FARP1: variants seen among roughly 807,000 people sequenced by gnomAD.
The protein encoded by FARP1 is FERM, ARH/RhoGEF and pleckstrin domain protein 1.
A neutral mutation model predicts 128.8 loss-of-function variants in FARP1; 52 were observed. The observed-to-expected ratio is 0.40, with a 90% confidence interval of 0.32 to 0.51. The LOEUF is 0.51. Among genes scored for constraint, FARP1 ranks in the 20% least tolerant of loss-of-function variants. The pLI, the probability that FARP1 is intolerant of heterozygous loss-of-function variation, is 0.45. For missense variants in FARP1, 1,333 were observed against 1,367.9 expected, an observed-to-expected ratio of 0.97 and a Z score of 0.40; for synonymous variants, 580 against 551.8, an observed-to-expected ratio of 1.05 and a Z score of -0.72.
Position 98,362,246 on chromosome 13 carries a change from AAAC to A in FARP1, c.277-3137_277-3135del, listed in dbSNP as rs959948123. Among the ~76,000 whole-genome samples the A allele has an allele frequency of 7.4e-4, 113 of 152,292 alleles. 1 individual carries two copies. The highest frequency in any genetic ancestry group is 8.5e-4 in the Admixed American group (13 of 15,308). On this transcript the variant is annotated intron_variant, in intron 3 of 26. Coordinates refer to ENST00000319562, the MANE Select transcript of FARP1 (RefSeq NM_005766.4). ...CTGGGTGACAGTGAGACGCTGTCTC[AAAC>A]AACAACAACAAAACAAGCAAGTGAA... is the stretch of plus-strand genomic sequence containing the variant.
intron 13 of FARP1, among the ~76,000 whole-genome samples, chr13:98,408,206 T>A (rs766790971): frequency 2.0e-5 from 3 of 152,138 alleles, no homozygotes; most frequent in African/African-American, 4.8e-5. Context: ...AAGTATATTC[T>A]GAAACATCCC....
At chr13:98,375,019 C>G (rs1889521527) in intron 5 of FARP1, among the ~76,000 whole-genome samples, 1 of 152,236 alleles carries the variant, frequency 6.6e-6, no homozygotes, top group Non-Finnish European at 1.5e-5. Context: ...ACACCTTTCA[C>G]TGGGCCCCAC....
At position 98,319,564 on chromosome 13, in the gene FARP1, G is replaced by A. The variant is rs1886899846; in HGVS notation, c.172-24198G>A. Among the ~76,000 whole-genome samples, 6 of 152,212 alleles carry A rather than the reference G, an allele frequency of 3.9e-5. No homozygotes were observed. The South Asian group carries it at 1.0e-3, about 26-fold the overall frequency. On this transcript the variant is annotated intron_variant, in intron 2 of 26. Transcript: ENST00000319562. ...GAACCCGGGAGGCGGAGGTTGCAGTGAGCTGAGATTGCGCCACTGCACTCC... is the reference window on the plus strand; with the variant it reads ...GAACCCGGGAGGCGGAGGTTGCAGTAAGCTGAGATTGCGCCACTGCACTCC...
chr13:98,172,886 C>T (rs1877750426), intron 1 of FARP1, among the ~76,000 whole-genome samples: 1 of 152,124 alleles, frequency 6.6e-6, no homozygotes, highest in Non-Finnish European at 1.5e-5. Flanking sequence ...ACAGCAGATC[C>T]ACGTTATTGT....
chr13:98,225,438 G>T (rs1207226326), intron 2 of FARP1, among the ~76,000 whole-genome samples: 1 of 152,152 alleles, frequency 6.6e-6, no homozygotes, highest in Non-Finnish European at 1.5e-5. Context: ...CATCACACGA[G>T]GAGAACTCTC....
intron 1 of FARP1, among the ~76,000 whole-genome samples, chr13:98,145,378 T>C (rs1414517567): frequency 6.6e-6 from 1 of 152,222 alleles, no homozygotes; most frequent in African/African-American, 2.4e-5. Flanking sequence ...ATTCTCTTCC[T>C]TTAATTGATA....
chr13:98,180,851 CCT>C (rs1183872820), intron 1 of FARP1, among the ~76,000 whole-genome samples: 1 of 152,072 alleles, frequency 6.6e-6, no homozygotes. Context: ...AGTATTTTCC[CCT>C]GTTCCTTAGT....
At chr13:98,148,825 C>G (rs1875762380) in intron 1 of FARP1, among the ~76,000 whole-genome samples, 1 of 151,594 alleles carries the variant, frequency 6.6e-6, no homozygotes, top group Admixed American at 6.6e-5. Context: ...TCTCTGGCTA[C>G]TTTTAAGATG....
intron 3 of FARP1, among the ~76,000 whole-genome samples, chr13:98,353,845 A>G (rs1888537972): frequency 6.6e-6 from 1 of 152,252 alleles, no homozygotes; most frequent in Non-Finnish European, 1.5e-5. Flanking sequence ...GAGAGGGTAG[A>G]TCTCATGTTA....
chr13:98,350,320 G>T (rs1888362257), intron 3 of FARP1, among the ~76,000 whole-genome samples: 1 of 152,126 alleles, frequency 6.6e-6, no homozygotes, highest in African/African-American at 2.4e-5. Context: ...TTAATTAATA[G>T]ATTTAATATT....
rs1482915684 is a variant in FARP1, at chr13:98,448,690, A to G, written c.*373A>G. 1 of 177,200 alleles carries G rather than the reference A, an allele frequency of 5.6e-6. No individual in the cohort carries two copies. The highest frequency in any genetic ancestry group is 1.2e-5 in the Non-Finnish European group (1 of 84,446). The allele number at this position is 177,200 out of a possible 1,614,324, so 11.0% of individuals were successfully genotyped here. The stretch of plus-strand genomic sequence containing the variant: ...CTTCCTAAAAAAAGTTCTTTCTTTT[A>G]TTATTTTCACCTATTGGCTGCTGCA... On this transcript the variant is annotated 3_prime_UTR_variant, in exon 27 of 27. Coordinates refer to ENST00000319562, the MANE Select transcript of FARP1 (RefSeq NM_005766.4).
At chr13:98,439,369 TC>T (rs1222408761) in intron 21 of FARP1, among the ~76,000 whole-genome samples, 173 bp downstream of exon 21, 1 of 152,156 alleles carries the variant, frequency 6.6e-6, no homozygotes, top group Admixed American at 6.5e-5. Flanking sequence ...TACAACCCTT[TC>T]ACCTAAAAGC....
chr13:98,334,900 T>C (rs1434876632), intron 2 of FARP1, among the ~76,000 whole-genome samples: 3 of 152,184 alleles, frequency 2.0e-5, no homozygotes, highest in Admixed American at 6.5e-5. Context: ...CCTCCAGAAC[T>C]GTGAAAACAT....
At chr13:98,373,576 A>ACACACC (rs1889453607) in intron 5 of FARP1, among the ~76,000 whole-genome samples, 1 of 151,478 alleles carries the variant, frequency 6.6e-6, no homozygotes, top group Non-Finnish European at 1.5e-5. Context: ...ACACACACAC[A>ACACACC]CACACAGAAA....
rs2139198180 is a variant in FARP1 at position 98,448,995 on chromosome 13, TAGC to T, written c.*681_*683del. ...TTTAAGTGGTAACTCTTTCCAACCG[TAGC>T]AGGGTTGTTTTCTGTTAAGCAAAGC... is the stretch of plus-strand genomic sequence containing the variant. On this transcript the variant is annotated 3_prime_UTR_variant, in exon 27 of 27. Coordinates refer to ENST00000319562, the MANE Select transcript of FARP1 (RefSeq NM_005766.4). The T allele has an allele frequency of 6.6e-6, 1 of 152,258 alleles. No individual in the cohort carries two copies. Among genetic ancestry groups the T allele is most frequent in the East Asian group, 1.9e-4 (1 of 5,184 alleles). 9.4% of individuals were successfully genotyped at this position (152,258 alleles called of 1,614,324 possible). A position where few individuals can be genotyped will look rare whatever the true frequency, so the allele number is the denominator to read the frequency against.
At chr13:98,319,614 T>C (rs1247765494) in intron 2 of FARP1, among the ~76,000 whole-genome samples, 1 of 152,236 alleles carries the variant, frequency 6.6e-6, no homozygotes, top group African/African-American at 2.4e-5. Context: ...AGCAAGACTC[T>C]GTCTCAGAAA....
chr13:98,225,874 G>A (rs1205087056), intron 2 of FARP1, among the ~76,000 whole-genome samples: 1 of 152,226 alleles, frequency 6.6e-6, no homozygotes, highest in Non-Finnish European at 1.5e-5. Context: ...GGCACACAAG[G>A]TACTGACTGA....
chr13:98,301,858 C>G (rs1885939235), intron 2 of FARP1, among the ~76,000 whole-genome samples: 2 of 152,222 alleles, frequency 1.3e-5, no homozygotes, highest in Non-Finnish European at 1.5e-5. Flanking sequence ...GTCCTCTGAG[C>G]CAAAGCCAGG....
chr13:98,330,685 G>A (rs1887468510), intron 2 of FARP1, among the ~76,000 whole-genome samples: 1 of 152,014 alleles, frequency 6.6e-6, no homozygotes, highest in Admixed American at 6.6e-5. Flanking sequence ...AACCTGGGAG[G>A]CGGAGGTTGC....
Sources: allele counts gnomAD v4.1 joint callset (sites outside exome capture counted in the v4.1 genomes callset), GRCh38; gene constraint gnomAD v4.1.1; transcripts MANE v1.5; gene names NCBI Gene and HGNC (gene_info 2026-07-23, HGNC 2026-07-21).